NRXN1: variants seen among roughly 807,000 people sequenced by gnomAD.
The protein encoded by NRXN1 is neurexin 1.
A neutral mutation model predicts 150.9 loss-of-function variants in NRXN1; 39 were observed. The ratio of observed to expected loss-of-function variants is 0.26; its 90% CI spans 0.20 to 0.34. The LOEUF (loss-of-function observed/expected upper bound fraction) is 0.34. NRXN1 is among the 10% of genes least tolerant of loss of function. The pLI is 1.00. For synonymous variants in NRXN1, 924 were observed against 757.0 expected (o/e 1.22, Z -3.62); for missense variants, 1,815 against 1,949.9 (o/e 0.93, Z 1.30).
intron 17 of NRXN1, among the ~76,000 whole-genome samples, chr2:50,365,722 C>T (rs928935905): frequency 2.0e-5 from 3 of 151,888 alleles, no homozygotes; most frequent in East Asian, 1.9e-4. Context: ...GCCTTTTTCC[C>T]GCTTTGTCAA....
intron 5 of NRXN1, among the ~76,000 whole-genome samples, chr2:50,678,125 TTTC>T (rs1689808499): frequency 6.6e-6 from 1 of 152,164 alleles, no homozygotes; most frequent in African/African-American, 2.4e-5. Context: ...AACATTCCAC[TTTC>T]TTTTCTGCCC....
chr2:50,973,575 T>C (rs973680542), intron 2 of NRXN1, among the ~76,000 whole-genome samples: 6 of 152,072 alleles, frequency 3.9e-5, no homozygotes, highest in African/African-American at 1.4e-4. Context: ...TAATTATATG[T>C]AACAAAAGAG....
At chr2:50,149,860 G>C (rs2058594550) in intron 18 of NRXN1, among the ~76,000 whole-genome samples, 1 of 151,474 alleles carries the variant, frequency 6.6e-6, no homozygotes, top group Non-Finnish European at 1.5e-5. Context: ...AAATAGGCTT[G>C]TTTTCATTAT....
At chr2:50,711,329 CT>C (rs765521627) in intron 5 of NRXN1, among the ~76,000 whole-genome samples, 8,416 of 89,888 alleles carry the variant, frequency 0.094, 214 homozygotes, top group East Asian at 0.22. Context: ...AGGTACTGGA[CT>C]TTTTTTTTTT....
chr2:50,168,181 T>C (rs926913698), intron 18 of NRXN1, among the ~76,000 whole-genome samples: 3 of 152,178 alleles, frequency 2.0e-5, no homozygotes, highest in Non-Finnish European at 4.4e-5. Context: ...GGGATGTTCA[T>C]GATGGACTGA....
At position 50,596,082 on chromosome 2, in the gene NRXN1, T is replaced by A. The variant is rs189422511; in HGVS notation, c.1320+23940A>T. Among the ~76,000 whole-genome samples the A allele has an allele frequency of 3.9e-5, 6 of 152,308 alleles. No individual in the cohort carries two copies. In the East Asian group the frequency reaches 1.2e-3, roughly 29 times the overall value. ...TTGATGGCACTGTTATGATCAGGCA[T>A]CAGAAGCTTCTCCTCAGCCTTTTAC... On this transcript the variant is annotated intron_variant, in intron 8 of 22. Transcript: ENST00000401669.
intron 5 of NRXN1, among the ~76,000 whole-genome samples, chr2:50,698,989 A>G (rs1693348245): frequency 6.6e-6 from 1 of 152,156 alleles, no homozygotes; most frequent in Admixed American, 6.5e-5. Context: ...TATACTACCA[A>G]TTGACAATAG....
chr2:50,550,606 G>C (rs982171217), intron 9 of NRXN1, among the ~76,000 whole-genome samples: 2 of 151,380 alleles, frequency 1.3e-5, no homozygotes, highest in Non-Finnish European at 2.9e-5. Flanking sequence ...GAAGTCAGAG[G>C]GGAACACTCT....
intron 5 of NRXN1, among the ~76,000 whole-genome samples, chr2:50,696,997 T>C (rs896062259): frequency 1.3e-5 from 2 of 152,116 alleles, no homozygotes. Flanking sequence ...ATTGAGAGCA[T>C]ATTACTTACT....
At chr2:50,552,507 C>G (rs1667679922) in intron 9 of NRXN1, 80 bp downstream of exon 9, 1 of 1,060,916 alleles carries the variant, frequency 9.4e-7, no homozygotes, top group South Asian at 1.5e-5. Flanking sequence ...TTTAATATGT[C>G]TTGGTTTTCA....
At chr2:50,323,690 G>A (rs1558525299) in intron 17 of NRXN1, among the ~76,000 whole-genome samples, 1 of 151,990 alleles carries the variant, frequency 6.6e-6, no homozygotes, top group Admixed American at 6.6e-5. Flanking sequence ...AGAAAAATGC[G>A]AAGAGTTTGA....
intron 2 of NRXN1, among the ~76,000 whole-genome samples, chr2:50,954,362 C>T (rs1455418850): frequency 6.6e-6 from 1 of 152,160 alleles, no homozygotes; most frequent in Non-Finnish European, 1.5e-5. Flanking sequence ...AATTCTCAAG[C>T]TCTCTACATA....
intron 5 of NRXN1, among the ~76,000 whole-genome samples, chr2:50,797,504 C>A (rs987217084): frequency 1.3e-5 from 2 of 151,968 alleles, no homozygotes; most frequent in Admixed American, 1.3e-4. Flanking sequence ...ATCATCCAGC[C>A]CAAAACGTAA....
At chr2:49,927,435 C>G (rs1669295702) in intron 22 of NRXN1, among the ~76,000 whole-genome samples, 1 of 152,128 alleles carries the variant, frequency 6.6e-6, no homozygotes, top group Non-Finnish European at 1.5e-5. Context: ...TCTAATCACA[C>G]CTTAGCATAT....
At chr2:50,130,323 G>C (rs13427317) in intron 18 of NRXN1, among the ~76,000 whole-genome samples, 1 of 151,886 alleles carries the variant, frequency 6.6e-6, no homozygotes, top group African/African-American at 2.4e-5. Flanking sequence ...AAACAAGCAG[G>C]GGGCAGCTTT....
intron 18 of NRXN1, among the ~76,000 whole-genome samples, chr2:50,107,535 A>T (rs1312583574): frequency 1.6e-5 from 2 of 128,764 alleles, no homozygotes; most frequent in African/African-American, 5.9e-5. Context: ...ATATATATAT[A>T]TATATTTTTT....
chr2:50,809,931 A>G (rs1326210462), intron 5 of NRXN1, among the ~76,000 whole-genome samples: 2 of 152,162 alleles, frequency 1.3e-5, no homozygotes, highest in African/African-American at 4.8e-5. Context: ...AAAAAATACC[A>G]TTGTGTTTAT....
chr2:50,022,531 C>T (rs937609613), intron 21 of NRXN1, among the ~76,000 whole-genome samples: 6 of 152,164 alleles, frequency 3.9e-5, no homozygotes, highest in African/African-American at 1.2e-4. Flanking sequence ...CAGGGGATTA[C>T]ATTTAGCACC....
At chr2:50,702,875 T>A (rs1244444427) in intron 5 of NRXN1, among the ~76,000 whole-genome samples, 2 of 152,108 alleles carry the variant, frequency 1.3e-5, no homozygotes, top group Non-Finnish European at 2.9e-5. Flanking sequence ...AAGTTTTTTT[T>A]CCCCCAGGAT....
Sources: gnomAD v4.1 joint callset for allele counts (sites outside exome capture counted in the v4.1 genomes callset) on GRCh38, gnomAD v4.1.1 for gene constraint, MANE v1.5 for transcripts, NCBI Gene and HGNC (gene_info 2026-07-23, HGNC 2026-07-21) for gene names.